CCDC7: variants seen among roughly 807,000 people sequenced by gnomAD.
CCDC7 encodes coiled-coil domain containing 7.
In CCDC7, 183 loss-of-function variants were observed where a neutral mutation model predicts 196.9. The ratio of observed to expected loss-of-function variants is 0.93; its 90% CI spans 0.82 to 1.05. The LOEUF is 1.05. Among genes scored for constraint, CCDC7 ranks in the 50% least tolerant of loss-of-function variants. CCDC7 has a pLI of 0.00. For missense variants in CCDC7, 1,540 were observed against 1,482.2 expected, an observed-to-expected ratio of 1.04 and a Z score of -0.64; for synonymous variants, 525 against 484.6, an observed-to-expected ratio of 1.08 and a Z score of -1.10.
chr10:32,446,212 CT>C, exon 1 of CCDC7: 1 of 152,296 alleles, frequency 6.6e-6, no homozygotes, highest in Non-Finnish European at 1.5e-5. Context: ...GAGGCCGGGC[CT>C]TTTCTTTCAG....
At chr10:32,583,375 C>T (rs2058929035) in intron 17 of CCDC7, 68 bp downstream of exon 18, 1 of 1,032,396 alleles carries the variant, frequency 9.7e-7, no homozygotes, top group Non-Finnish European at 1.2e-6. Flanking sequence ...AAATGCTAAC[C>T]CATTTAAATG....
chr10:32,609,893 G>T (rs1029528832), intron 18 of CCDC7, among the ~76,000 whole-genome samples: 1 of 152,108 alleles, frequency 6.6e-6, no homozygotes, highest in Non-Finnish European at 1.5e-5. Context: ...AGTTGACCTG[G>T]TAAATGAGGT....
chr10:32,564,536 T>C (rs1267671397), intron 13 of CCDC7, among the ~76,000 whole-genome samples: 4 of 150,886 alleles, frequency 2.7e-5, no homozygotes, highest in Middle Eastern at 6.8e-3. Flanking sequence ...TCATTCTCAG[T>C]AAACTATCGC....
At chr10:32,462,811 T>C in intron 4 of CCDC7, 108 bp downstream of exon 5, 2 of 1,265,492 alleles carry the variant, frequency 1.6e-6, no homozygotes, top group South Asian at 1.6e-5. Flanking sequence ...ATTCCATACT[T>C]GCTGCTCTAT....
intron 37 of CCDC7, among the ~76,000 whole-genome samples, chr10:32,846,946 G>A (rs1301071692): frequency 2.6e-5 from 4 of 152,142 alleles, no homozygotes; most frequent in Non-Finnish European, 4.4e-5. Flanking sequence ...ATAATTCAGA[G>A]ATTACATTAC....
chr10:32,859,286 A>T (rs1488505663), intron 41 of CCDC7, among the ~76,000 whole-genome samples: 1 of 152,192 alleles, frequency 6.6e-6, no homozygotes, highest in Non-Finnish European at 1.5e-5. Context: ...ACACAACTAC[A>T]TGGAAACTGA....
At chr10:32,772,542 G>A (rs1328095326) in intron 28 of CCDC7, among the ~76,000 whole-genome samples, 1 of 152,200 alleles carries the variant, frequency 6.6e-6, no homozygotes, top group Non-Finnish European at 1.5e-5. Context: ...CCCAACCATG[G>A]CCCTAGCCAA....
intron 3 of CCDC7, among the ~76,000 whole-genome samples, chr10:32,456,900 TG>T (rs1473613704): frequency 2.0e-5 from 3 of 152,110 alleles, no homozygotes; most frequent in Non-Finnish European, 4.4e-5. Context: ...TACATATTTA[TG>T]GGGTACATAG....
chr10:32,683,270 G>A (rs1020515288), intron 21 of CCDC7, among the ~76,000 whole-genome samples: 4 of 152,070 alleles, frequency 2.6e-5, no homozygotes, highest in Non-Finnish European at 5.9e-5. Context: ...CTGTTGCTTG[G>A]TTTGCCAGCT....
chr10:32,846,564 A>G, intron 37 of CCDC7, 105 bp downstream of exon 38: 4 of 631,632 alleles, frequency 6.3e-6, no homozygotes, highest in Non-Finnish European at 1.1e-5. Flanking sequence ...TGTTAGTGTT[A>G]CATAGGTAAA....
chr10:32,462,165 A>G (rs1213193130), intron 3 of CCDC7, among the ~76,000 whole-genome samples: 1 of 152,124 alleles, frequency 6.6e-6, no homozygotes, highest in Non-Finnish European at 1.5e-5. Context: ...ATGATGGCTC[A>G]TGCTCAGTGT....
intron 29 of CCDC7, among the ~76,000 whole-genome samples, chr10:32,796,233 C>T (rs911988744): frequency 6.6e-6 from 1 of 151,908 alleles, no homozygotes; most frequent in Non-Finnish European, 1.5e-5. Context: ...TATTGCTGGT[C>T]ATAATATTGA....
rs549903768 is a variant in CCDC7 at position 32,761,950 on chromosome 10, C to G, written c.2906-17027C>G. Among the ~76,000 whole-genome samples the G allele has an allele frequency of 1.4e-3, 215 of 152,058 alleles. 1 individual carries two copies. The highest frequency in any genetic ancestry group is 4.9e-3 in the African/African-American group (204 of 41,514). On this transcript the variant is annotated intron_variant, in intron 28 of 41. Coordinates refer to ENST00000639629, the Ensembl canonical transcript of CCDC7. Reference sequence around the variant, plus strand: ...CTCTCCCACAGATGCAGAGAATAAACATTTCCACATGGATCAATTCTCTCT... The same window carrying G: ...CTCTCCCACAGATGCAGAGAATAAAGATTTCCACATGGATCAATTCTCTCT...
intron 21 of CCDC7, among the ~76,000 whole-genome samples, chr10:32,677,251 A>G (rs1179522429): frequency 2.0e-5 from 3 of 150,840 alleles, no homozygotes; most frequent in East Asian, 2.0e-4. Flanking sequence ...GCATTAGGAG[A>G]TATACCTAAT....
At chr10:32,880,696 A>G (rs1335992223), downstream of CCDC7, among the ~76,000 whole-genome samples, 1 of 152,190 alleles carries the variant, frequency 6.6e-6, no homozygotes, top group African/African-American at 2.4e-5. Flanking sequence ...TAAGTCTTTA[A>G]TCCATCTTGA....
chr10:32,481,390 T>G (rs2039937182), intron 8 of CCDC7, among the ~76,000 whole-genome samples: 1 of 152,202 alleles, frequency 6.6e-6, no homozygotes, highest in Non-Finnish European at 1.5e-5. Context: ...TTTTATTCCC[T>G]GTTTGCTATC....
intron 32 of CCDC7, among the ~76,000 whole-genome samples, chr10:32,833,358 A>ATTTT (rs761241804): frequency 0.23 from 34,111 of 148,268 alleles, 4,188 homozygotes; most frequent in East Asian, 0.45. Flanking sequence ...TTTTTTAAAA[A>ATTTT]AAAAAAAAAG....
intron 24 of CCDC7, among the ~76,000 whole-genome samples, chr10:32,704,807 C>T (rs557318155): frequency 2.8e-4 from 43 of 152,238 alleles, no homozygotes; most frequent in African/African-American, 4.3e-4. Context: ...TAGCACTCTC[C>T]GAGCCAGGCG....
chr10:32,830,405 A>G (rs1324691469), intron 32 of CCDC7, among the ~76,000 whole-genome samples: 1 of 151,676 alleles, frequency 6.6e-6, no homozygotes, highest in Non-Finnish European at 1.5e-5. Context: ...AAACAGGAAG[A>G]TGTGTCCCAT....
Sources: gnomAD v4.1 joint callset for allele counts (sites outside exome capture counted in the v4.1 genomes callset) on GRCh38, gnomAD v4.1.1 for gene constraint, MANE v1.5 for transcripts, NCBI Gene and HGNC (gene_info 2026-07-23, HGNC 2026-07-21) for gene names.